Variants in ANKRD16 observed in about 807,000 individuals in gnomAD.
The protein encoded by ANKRD16 is ankyrin repeat domain-containing protein 16.
A neutral mutation model predicts 37.9 loss-of-function variants in ANKRD16; 35 were observed. The ratio of observed to expected loss-of-function variants is 0.92; its 90% CI spans 0.71 to 1.23. The LOEUF (loss-of-function observed/expected upper bound fraction) is 1.23, where lower values mean the gene tolerates loss of function less well. Among genes scored for constraint, ANKRD16 ranks in the 50% most tolerant of loss-of-function variants. The pLI, the probability that ANKRD16 is intolerant of heterozygous loss-of-function variation, is 0.00. For missense variants in ANKRD16, 480 were observed against 469.9 expected (o/e 1.02, Z -0.20); for synonymous variants, 206 against 197.2 (o/e 1.04, Z -0.37).
In ANKRD16 at chr10:5,864,733, A is replaced by G. The variant is rs1212262842; in HGVS notation, c.*34-2042T>C. On this transcript the variant is annotated intron_variant, in intron 7 of 7. Transcript: ENST00000380094. This position sits in a 1 kb window ranked among gnomAD's most constrained non-coding sequence, Gnocchi z 4.4. The stretch of plus-strand genomic sequence containing the variant: ...CTCCAGTGGGACCTCAACTCAGACC[A>G]TGGGTACTGGAGTTGTAAACATCTG... Among the ~76,000 whole-genome samples, 1 of 151,672 alleles carries G rather than the reference A, an allele frequency of 6.6e-6. No individual in the cohort carries two copies. Among genetic ancestry groups the G allele is most frequent in the Non-Finnish European group, 1.5e-5 (1 of 68,028 alleles).
At chr10:5,887,629 C>T (rs1842449378) in intron 2 of ANKRD16, among the ~76,000 whole-genome samples, 1 of 152,226 alleles carries the variant, frequency 6.6e-6, no homozygotes, top group Non-Finnish European at 1.5e-5. Context: ...GGTGATCCAC[C>T]CGCCTCCGGC....
Position 5,864,993 on chromosome 10 carries a change from C to T in ANKRD16, c.*34-2302G>A, listed in dbSNP as rs914387730. Among the ~76,000 whole-genome samples, 12 of 152,144 alleles carry T rather than the reference C, an allele frequency of 7.9e-5. No homozygotes were observed. The highest frequency in any genetic ancestry group is 2.7e-4 in the African/African-American group (11 of 41,412). On this transcript the variant is annotated intron_variant, in intron 7 of 7. Coordinates refer to ENST00000380094, the MANE Select transcript of ANKRD16 (RefSeq NM_019046.3). The surrounding 1 kb of genome is among the most constrained non-coding windows in gnomAD (Gnocchi z 4.4). Reference sequence around the variant, plus strand: ...AGATATCAGGAGAGAGCTCCAAAAGCGAGCCCTGGGCCCTGAACAAAATCT... The same window carrying T: ...AGATATCAGGAGAGAGCTCCAAAAGTGAGCCCTGGGCCCTGAACAAAATCT...
chr10:5,878,082 C>G lies in ANKRD16; in HGVS notation c.*33+15G>C. The stretch of plus-strand genomic sequence containing the variant: ...CTGAATCTGTGACTGACTTAAGAAG[C>G]AGGATATGAATTACCATGCACTTTA... On this transcript the variant is annotated intron_variant, in intron 7 of 7. Transcript: ENST00000380094. The surrounding 1 kb of genome is among the most constrained non-coding windows in gnomAD (Gnocchi z 5.1). The G allele has an allele frequency of 6.4e-7, 1 of 1,573,120 alleles. No individual in the cohort carries two copies. The highest frequency in any genetic ancestry group is 1.2e-5 in the South Asian group (1 of 84,974).
At position 5,864,907 on chromosome 10, in the gene ANKRD16, C is replaced by T. The variant is rs374080467; in HGVS notation, c.*34-2216G>A. On this transcript the variant is annotated intron_variant, in intron 7 of 7. Coordinates refer to ENST00000380094, the MANE Select transcript of ANKRD16 (RefSeq NM_019046.3). The surrounding 1 kb of genome is among the most constrained non-coding windows in gnomAD (Gnocchi z 4.4). ...GCCTTAAGAAAATATACTCCCCTGT[C>T]GCCCGACTCACTCGAGGGTCAATTG... Among the ~76,000 whole-genome samples the T allele has an allele frequency of 1.6e-4, 25 of 152,254 alleles. No individual in the cohort carries two copies. The highest frequency in any genetic ancestry group is 5.5e-4 in the African/African-American group (23 of 41,544).
Position 5,865,580 on chromosome 10 carries a change from T to C in ANKRD16, c.*34-2889A>G, listed in dbSNP as rs372121428. On this transcript the variant is annotated intron_variant, in intron 7 of 7. Transcript: ENST00000380094. The surrounding 1 kb of genome is among the most constrained non-coding windows in gnomAD (Gnocchi z 4.7). ...GTCCCAGACAGCTGTCCTCAAGGTC[T>C]GTTACCATCCAAGGAATCCTGGGAC... Among the ~76,000 whole-genome samples the C allele has an allele frequency of 2.0e-5, 3 of 152,356 alleles. No individual in the cohort carries two copies. Among genetic ancestry groups the C allele is most frequent in the African/African-American group, 7.2e-5 (3 of 41,588 alleles).
intron 7 of ANKRD16, among the ~76,000 whole-genome samples, chr10:5,872,977 A>T (rs553667426): frequency 6.7e-6 from 1 of 148,900 alleles, no homozygotes. Flanking sequence ...TCTATGCCTC[A>T]GCCTTCCAAG....
Position 5,862,408 on chromosome 10 carries a change from G to C in ANKRD16, c.*317C>G, listed in dbSNP as rs76610235. The C allele has an allele frequency of 8.5e-4, 367 of 432,494 alleles. 2 individuals are homozygous for C. The East Asian group carries it at 0.017, about 20-fold the overall frequency. The allele number at this position is 432,494 out of a possible 1,614,324, so 26.8% of individuals were successfully genotyped here. ...CCACCTCAATCTGGGCCTGTCTGCT[G>C]TGGCTGGTCAGTTTCACTATCATCC... On this transcript the variant is annotated 3_prime_UTR_variant, in exon 8 of 8. Coordinates refer to ENST00000380094, the MANE Select transcript of ANKRD16 (RefSeq NM_019046.3). This position sits in a 1 kb window ranked among gnomAD's most constrained non-coding sequence, Gnocchi z 6.5.
chr10:5,886,581 A>C (rs1274453706), intron 2 of ANKRD16, among the ~76,000 whole-genome samples: 4 of 125,884 alleles, frequency 3.2e-5, no homozygotes, highest in African/African-American at 1.3e-4. Flanking sequence ...ACAGAGCAAG[A>C]CTCTGTCTCA....
In ANKRD16 at chr10:5,884,034, C is replaced by T. The variant is rs200993355; in HGVS notation, c.622G>A (p.Ala208Thr). Residue 208 changes from alanine to threonine, a missense_variant, in exon 4 of 8, where the codon GCC (alanine) becomes ACC (threonine). Transcript: ENST00000380094. ...PDYRDNCGVTALMDAIQCGHI... is the reference protein window; with the variant it reads ...PDYRDNCGVTTLMDAIQCGHI... ...CCACACTGGATTGCGTCCATCAAGG[C>T]GGTGACGCCACAGTTGTCTCTGTAG... 89 of 1,614,050 alleles carry T rather than the reference C, an allele frequency of 5.5e-5. No individual in the cohort carries two copies. The highest frequency in any genetic ancestry group is 5.5e-4 in the Admixed American group (33 of 60,014).
At chr10:5,881,783 G>A (rs1194295159) in intron 5 of ANKRD16, among the ~76,000 whole-genome samples, 1 of 150,464 alleles carries the variant, frequency 6.6e-6, no homozygotes, top group African/African-American at 2.4e-5. Flanking sequence ...CTCCTCCCAG[G>A]TTCACACCAT....
At chr10:5,875,231 A>G (rs1444732882) in intron 7 of ANKRD16, among the ~76,000 whole-genome samples, 1 of 151,760 alleles carries the variant, frequency 6.6e-6, no homozygotes, top group African/African-American at 2.4e-5. Flanking sequence ...TGCAAGAGTC[A>G]GAGGACAAAA....
rs560247122 is a variant in ANKRD16 at position 5,866,481 on chromosome 10, G to A, written c.*34-3790C>T. Reference sequence around the variant, plus strand: ...TTAGCAGAACTAGTGGCACTTACCCGAGCCTTAGAACTGGGAAAGGAAAGG... The same window carrying A: ...TTAGCAGAACTAGTGGCACTTACCCAAGCCTTAGAACTGGGAAAGGAAAGG... On this transcript the variant is annotated intron_variant, in intron 7 of 7. Coordinates refer to ENST00000380094, the MANE Select transcript of ANKRD16 (RefSeq NM_019046.3). The surrounding 1 kb of genome is among the most constrained non-coding windows in gnomAD (Gnocchi z 4.3). 2.6e-5 allele frequency among the ~76,000 whole-genome samples: 4 copies of A among 152,334 alleles called. No homozygotes were observed. Among genetic ancestry groups the A allele is most frequent in the South Asian group, 4.1e-4 (2 of 4,832 alleles).
At chr10:5,885,170 CTTTA>C (rs1467803926) in intron 3 of ANKRD16, among the ~76,000 whole-genome samples, 2 of 151,894 alleles carry the variant, frequency 1.3e-5, no homozygotes, top group African/African-American at 4.8e-5. Flanking sequence ...TGGTACAGGG[CTTTA>C]TTTATTTTTT....
rs143683889 is a variant in ANKRD16, at chr10:5,876,295, G to T, written c.*33+1802C>A. ...AAGGTGCGTGGAATCTAGGAAAACC[G>T]GGGACAACAGTGTAACATGCTGTGT... On this transcript the variant is annotated intron_variant, in intron 7 of 7. Transcript: ENST00000380094. Among the ~76,000 whole-genome samples, 9 of 152,278 alleles carry T rather than the reference G, an allele frequency of 5.9e-5. No individual in the cohort carries two copies. The East Asian group carries it at 1.7e-3, about 29-fold the overall frequency.
intron 5 of ANKRD16, 50 bp from the exon 6 acceptor site, chr10:5,880,426 T>C: frequency 7.9e-7 from 1 of 1,265,516 alleles, no homozygotes; most frequent in South Asian, 1.4e-5. Context: ...AAAGAAAACC[T>C]TTTGCAAACC....
At chr10:5,881,551 A>G (rs792342) in intron 5 of ANKRD16, among the ~76,000 whole-genome samples, 121,081 of 144,568 alleles carry the variant, frequency 0.84, 50,928 homozygotes, top group Admixed American at 0.88. Context: ...TGCAACCTCC[A>G]CCTCCCGGGT....
intron 1 of ANKRD16, 70 bp from the exon 2 acceptor site, chr10:5,888,137 A>G: frequency 1.5e-6 from 2 of 1,371,240 alleles, no homozygotes; most frequent in Non-Finnish European, 2.1e-6. Context: ...CCAGGTCTTC[A>G]AAACACACAC....
Position 5,871,549 on chromosome 10 carries a change from C to T in ANKRD16, c.*33+6548G>A, listed in dbSNP as rs1842090367. Reference sequence around the variant, plus strand: ...AACGTAATAAATGTGCTCCACAAATCCCCCACCCTCCTAGATACTGGCATT... The same window carrying T: ...AACGTAATAAATGTGCTCCACAAATTCCCCACCCTCCTAGATACTGGCATT... On this transcript the variant is annotated intron_variant, in intron 7 of 7. Transcript: ENST00000380094. This position sits in a 1 kb window ranked among gnomAD's most constrained non-coding sequence, Gnocchi z 4.5. 1.3e-5 allele frequency among the ~76,000 whole-genome samples: 2 copies of T among 152,162 alleles called. No homozygotes were observed. Among genetic ancestry groups the T allele is most frequent in the East Asian group, 1.9e-4 (1 of 5,204 alleles).
At chr10:5,887,766 C>G in intron 2 of ANKRD16, 81 bp downstream of exon 2, 2 of 1,131,558 alleles carry the variant, frequency 1.8e-6, no homozygotes, top group African/African-American at 1.6e-5. Context: ...CTGAAGGTGA[C>G]CTGAACAAGA....
Sources: allele counts gnomAD v4.1 joint callset (sites outside exome capture counted in the v4.1 genomes callset), GRCh38; gene constraint gnomAD v4.1.1; non-coding constraint Gnocchi (gnomAD v3.1); transcripts MANE v1.5; gene names NCBI Gene and HGNC (gene_info 2026-07-23, HGNC 2026-07-21).